ARHGEF3: variants seen among roughly 807,000 people sequenced by gnomAD.
ARHGEF3 encodes the protein Rho guanine nucleotide exchange factor 3, also known as 59.8 kDA protein.
In ARHGEF3, 28 loss-of-function variants were observed where a neutral mutation model predicts 63.2. That is an observed-to-expected ratio of 0.44 (90% CI 0.33 to 0.61). ARHGEF3 has a LOEUF of 0.61. Among genes scored for constraint, ARHGEF3 ranks in the 20% least tolerant of loss-of-function variants. ARHGEF3 has a pLI of 0.03. For missense variants in ARHGEF3, 533 were observed against 659.3 expected (o/e 0.81, Z 2.10); for synonymous variants, 266 against 254.2 (o/e 1.05, Z -0.44).
intron 2 of ARHGEF3, among the ~76,000 whole-genome samples, chr3:56,773,283 T>A (rs1266115178): frequency 1.3e-5 from 2 of 152,218 alleles, no homozygotes; most frequent in African/African-American, 4.8e-5. Flanking sequence ...AAAATCAGGC[T>A]TAGCTTGTGA....
At chr3:57,063,102 C>A (rs1452008424) in intron 1 of ARHGEF3, among the ~76,000 whole-genome samples, 1 of 152,152 alleles carries the variant, frequency 6.6e-6, no homozygotes, top group African/African-American at 2.4e-5. Context: ...AAATGAGGGA[C>A]CAAGCTCTGC....
chr3:56,975,832 A>T (rs1485352921), intron 2 of ARHGEF3: 1 of 410,646 alleles, frequency 2.4e-6, no homozygotes, highest in Non-Finnish European at 4.7e-6. Context: ...TTAAAAAAAA[A>T]TAATAAAAAC....
At chr3:56,967,898 AATAATATATTATAT>A (rs1205796131) in intron 2 of ARHGEF3, among the ~76,000 whole-genome samples, 12 of 64,848 alleles carry the variant, frequency 1.9e-4, no homozygotes, top group East Asian at 5.6e-4. Context: ...ATAATATATA[AATAATATATTATAT>A]ATAATATATT....
chr3:57,074,590 T>C (rs765167486), intron 1 of ARHGEF3: 7 of 288,526 alleles, frequency 2.4e-5, no homozygotes, highest in African/African-American at 6.6e-5. Flanking sequence ...AATGAAAGAG[T>C]GGGAGGCATG....
intron 4 of ARHGEF3, among the ~76,000 whole-genome samples, chr3:56,849,293 T>C (rs1368921206): frequency 6.6e-6 from 1 of 152,222 alleles, no homozygotes; most frequent in Non-Finnish European, 1.5e-5. Context: ...AAAATTCTGA[T>C]TTATTTAAAA....
At chr3:57,033,673 C>T (rs945720237) in intron 2 of ARHGEF3, among the ~76,000 whole-genome samples, 2 of 151,954 alleles carry the variant, frequency 1.3e-5, no homozygotes, top group African/African-American at 4.8e-5. Context: ...GAGGTAGGAG[C>T]TGGGAATGAA....
intron 2 of ARHGEF3, among the ~76,000 whole-genome samples, chr3:56,959,862 C>T (rs767827447): frequency 1.3e-5 from 2 of 152,192 alleles, no homozygotes; most frequent in Non-Finnish European, 2.9e-5. Flanking sequence ...CCTGTGATCA[C>T]AGCTACTCGG....
intron 3 of ARHGEF3, among the ~76,000 whole-genome samples, chr3:56,885,550 G>C (rs2040895896): frequency 6.6e-6 from 1 of 151,964 alleles, no homozygotes. Flanking sequence ...CATTGATGCA[G>C]GAAAGTGAAT....
chr3:56,961,040 T>C (rs911370324), intron 2 of ARHGEF3, among the ~76,000 whole-genome samples: 6 of 152,202 alleles, frequency 3.9e-5, no homozygotes, highest in Admixed American at 6.5e-5. Flanking sequence ...ACACATAATG[T>C]CAATTATCAC....
chr3:56,980,193 C>T (rs565544719), intron 2 of ARHGEF3, among the ~76,000 whole-genome samples: 1 of 152,336 alleles, frequency 6.6e-6, no homozygotes, highest in South Asian at 2.1e-4. Flanking sequence ...AGAAGACTTG[C>T]TTATGCCACA....
chr3:56,751,631 A>G (rs934956936), intron 4 of ARHGEF3, among the ~76,000 whole-genome samples: 2 of 152,206 alleles, frequency 1.3e-5, no homozygotes, highest in African/African-American at 4.8e-5. Context: ...AAGCTTTTTT[A>G]TTCTAGTATG....
rs573505290 is a variant in ARHGEF3 at position 56,931,796 on chromosome 3, C to T, written c.129+27027G>A. ...ATAATGTGCCCAACACAGAGAGGCA[C>T]CACCATTCAGCTACCTATTAATTCC... On this transcript the variant is annotated intron_variant, in intron 3 of 12. Coordinates refer to the ARHGEF3 transcript ENST00000338458. Among the ~76,000 whole-genome samples the T allele has an allele frequency of 7.9e-5, 12 of 152,262 alleles. No individual in the cohort carries two copies. The South Asian group carries it at 2.3e-3, about 29-fold the overall frequency.
At position 56,727,923 on chromosome 3, in the gene ARHGEF3, A is replaced by G. The variant is rs2032837376; in HGVS notation, c.*1347T>C. 6.6e-6 allele frequency: 1 copy of G among 152,632 alleles called. No homozygotes were observed. The highest frequency in any genetic ancestry group is 6.5e-5 in the Admixed American group (1 of 15,282). 9.5% of individuals were successfully genotyped at this position (152,632 alleles called of 1,614,324 possible). A position where few individuals can be genotyped will look rare whatever the true frequency, so the allele number is the denominator to read the frequency against. On this transcript the variant is annotated 3_prime_UTR_variant, in exon 10 of 10. Transcript: ENST00000296315. ...ATGCATTTACTGCTTTCTTTTCTGT[A>G]AACTTGAAAGACAGATTAAAAAAAA...
chr3:56,928,020 C>T (rs1177756745), intron 3 of ARHGEF3, among the ~76,000 whole-genome samples: 1 of 152,174 alleles, frequency 6.6e-6, no homozygotes, highest in East Asian at 1.9e-4. Context: ...AAATCTACCC[C>T]AAGCCAGCAC....
chr3:56,880,747 A>G (rs1186799372), intron 4 of ARHGEF3, among the ~76,000 whole-genome samples: 1 of 152,212 alleles, frequency 6.6e-6, no homozygotes, highest in African/African-American at 2.4e-5. Flanking sequence ...AAAAGATTCA[A>G]ACACACAAAA....
At chr3:57,028,817 C>A (rs1390884879) in intron 2 of ARHGEF3, among the ~76,000 whole-genome samples, 1 of 151,870 alleles carries the variant, frequency 6.6e-6, no homozygotes, top group Non-Finnish European at 1.5e-5. Context: ...TATAAAAAGC[C>A]CCTCAGGAGG....
At chr3:57,048,626 C>T (rs766594927) in intron 1 of ARHGEF3, among the ~76,000 whole-genome samples, 3 of 152,144 alleles carry the variant, frequency 2.0e-5, no homozygotes, top group Non-Finnish European at 4.4e-5. Flanking sequence ...CTGTGCCCCA[C>T]GCCCCCCTCC....
intron 1 of ARHGEF3, among the ~76,000 whole-genome samples, chr3:56,795,800 C>A (rs1311315919): frequency 6.6e-6 from 1 of 151,908 alleles, no homozygotes; most frequent in African/African-American, 2.4e-5. Flanking sequence ...TGCCACCACG[C>A]CTGGCTAATT....
chr3:57,069,074 C>T (rs985088898), intron 1 of ARHGEF3, among the ~76,000 whole-genome samples: 1 of 152,060 alleles, frequency 6.6e-6, no homozygotes, highest in Admixed American at 6.6e-5. Flanking sequence ...AGGCACTCAC[C>T]ACCACGTCTG....
Sources: allele counts gnomAD v4.1 joint callset (sites outside exome capture counted in the v4.1 genomes callset), GRCh38; gene constraint gnomAD v4.1.1; transcripts MANE v1.5; gene names NCBI Gene and HGNC (gene_info 2026-07-23, HGNC 2026-07-21).